Variants in LRMDA observed in about 807,000 individuals in gnomAD.
LRMDA encodes the protein leucine rich melanocyte differentiation associated.
In LRMDA, 18 loss-of-function variants were observed where a neutral mutation model predicts 29.8. The observed-to-expected ratio is 0.60, with a 90% CI of 0.42 to 0.90. The LOEUF is 0.90. LRMDA is among the 40% of genes least tolerant of loss of function. LRMDA has a pLI of 0.00. For missense variants in LRMDA, 273 were observed against 273.9 expected, an observed-to-expected ratio of 1.00 and a Z score of 0.02; for synonymous variants, 125 against 109.4, an observed-to-expected ratio of 1.14 and a Z score of -0.89.
At chr10:76,077,765 C>T (rs551753036) in intron 5 of LRMDA, among the ~76,000 whole-genome samples, 76 of 151,996 alleles carry the variant, frequency 5.0e-4, no homozygotes, top group African/African-American at 1.7e-3. Flanking sequence ...CAAGCAGCAA[C>T]GACATTGTCA....
intron 5 of LRMDA, among the ~76,000 whole-genome samples, chr10:76,078,791 G>A (rs1050409850): frequency 7.9e-5 from 12 of 152,154 alleles, no homozygotes; most frequent in Non-Finnish European, 1.3e-4. Flanking sequence ...AGCTGAGATC[G>A]CGCCATGCAC....
intron 2 of LRMDA, among the ~76,000 whole-genome samples, chr10:75,533,837 C>T (rs1427694076): frequency 6.6e-6 from 1 of 152,142 alleles, no homozygotes; most frequent in East Asian, 1.9e-4. Context: ...ATTAATTGCA[C>T]CTCCTTGGAG....
intron 6 of LRMDA, among the ~76,000 whole-genome samples, chr10:76,427,522 C>T (rs1034964078): frequency 6.6e-6 from 1 of 152,180 alleles, no homozygotes; most frequent in Non-Finnish European, 1.5e-5. Flanking sequence ...ATGGGGTTTT[C>T]TAGATATACA....
At chr10:75,739,146 C>T (rs1263144456) in intron 2 of LRMDA, among the ~76,000 whole-genome samples, 3 of 152,200 alleles carry the variant, frequency 2.0e-5, no homozygotes, top group Non-Finnish European at 4.4e-5. Flanking sequence ...GTAGCCAGTG[C>T]GGCGACTTTG....
intron 5 of LRMDA, among the ~76,000 whole-genome samples, chr10:76,129,272 C>G (rs1447611367): frequency 1.3e-5 from 2 of 152,200 alleles, no homozygotes; most frequent in Non-Finnish European, 2.9e-5. Flanking sequence ...GCCATTGGTG[C>G]TCCTCCATCC....
intron 2 of LRMDA, among the ~76,000 whole-genome samples, chr10:75,461,890 G>C (rs993884396): frequency 6.6e-6 from 1 of 152,200 alleles, no homozygotes; most frequent in Admixed American, 6.5e-5. Context: ...ATGAGGTGGC[G>C]GCCAGGCTAG....
Position 75,860,942 on chromosome 10 carries a change from GAT to G in LRMDA, c.132-175063_132-175062del, listed in dbSNP as rs1844918527. Reference sequence around the variant, plus strand: ...TTTCTCTATCTCATCTGCTAATAAAGATATTATTGACCTCTCAGGATGGTTCT... The same window carrying G: ...TTTCTCTATCTCATCTGCTAATAAAGATTATTGACCTCTCAGGATGGTTCT... On this transcript the variant is annotated intron_variant, in intron 2 of 6. Coordinates refer to ENST00000611255, the MANE Select transcript of LRMDA (RefSeq NM_001305581.2). Among the ~76,000 whole-genome samples, 7 of 152,300 alleles carry G rather than the reference GAT, an allele frequency of 4.6e-5. 1 individual carries two copies. Among genetic ancestry groups the G allele is most frequent in the Admixed American group, 3.9e-4 (6 of 15,294 alleles).
At position 76,170,141 on chromosome 10, in the gene LRMDA, G is replaced by A. The variant is rs76040754; in HGVS notation, c.516+111358G>A. On this transcript the variant is annotated intron_variant, in intron 5 of 6. Coordinates refer to ENST00000611255, the MANE Select transcript of LRMDA (RefSeq NM_001305581.2). ...TCTTGCTGTACAGAATTCAGGAGCG[G>A]ATCAGGGCTGGAAAAGTAGGAACAG... is the stretch of plus-strand genomic sequence containing the variant. 7.1e-3 allele frequency among the ~76,000 whole-genome samples: 1,077 copies of A among 152,274 alleles called. 13 individuals carry two copies. Among genetic ancestry groups the A allele is most frequent in the African/African-American group, 0.024 (999 of 41,556 alleles).
intron 2 of LRMDA, among the ~76,000 whole-genome samples, chr10:75,965,994 T>A (rs1486302985): frequency 6.6e-6 from 1 of 152,196 alleles, no homozygotes; most frequent in Non-Finnish European, 1.5e-5. Context: ...TGTACCCTTA[T>A]CTCCTTAATA....
At chr10:75,838,143 A>C (rs775570172) in intron 2 of LRMDA, among the ~76,000 whole-genome samples, 1 of 152,242 alleles carries the variant, frequency 6.6e-6, no homozygotes, top group African/African-American at 2.4e-5. Flanking sequence ...TAACATTATC[A>C]GGAGGGGAAA....
chr10:75,527,148 G>A (rs1409888775), intron 2 of LRMDA, among the ~76,000 whole-genome samples: 2 of 152,044 alleles, frequency 1.3e-5, no homozygotes, highest in Non-Finnish European at 2.9e-5. Flanking sequence ...TTTGTGTCTG[G>A]CTTCTTTCAC....
rs1554856628 is a variant in LRMDA at position 76,225,724 on chromosome 10, T to TTTATTTATTTATTAA, written c.517-98676_517-98675insTATTTATTTATTAAT. On this transcript the variant is annotated intron_variant, in intron 5 of 6. Transcript: ENST00000611255. ...TATTTATTTATTTATTTATTTATTA[T>TTTATTTATTTATTAA]TATATATATATTTTTATTATATTTT... is the stretch of plus-strand genomic sequence containing the variant. Among the ~76,000 whole-genome samples the TTTATTTATTTATTAA allele has an allele frequency of 8.0e-3, 667 of 83,886 alleles. 14 individuals are homozygous for TTTATTTATTTATTAA. The East Asian group carries it at 0.12, about 16-fold the overall frequency. The allele number at this position is 83,886 out of a possible 152,430, so 55.0% of individuals were successfully genotyped here.
At chr10:75,908,134 A>G (rs187619088) in intron 2 of LRMDA, among the ~76,000 whole-genome samples, 22 of 152,304 alleles carry the variant, frequency 1.4e-4, no homozygotes, top group Admixed American at 5.9e-4. Flanking sequence ...CTCATACTTT[A>G]CTTGGGATAT....
chr10:75,837,298 G>T (rs550978839), intron 2 of LRMDA, among the ~76,000 whole-genome samples: 1 of 152,278 alleles, frequency 6.6e-6, no homozygotes, highest in African/African-American at 2.4e-5. Context: ...AGAAGAGGAT[G>T]CTCTCTGTAA....
intron 5 of LRMDA, among the ~76,000 whole-genome samples, chr10:76,124,988 C>T (rs1849855226): frequency 6.6e-6 from 1 of 152,192 alleles, no homozygotes; most frequent in Non-Finnish European, 1.5e-5. Flanking sequence ...TTACTTATGA[C>T]ATTTCTACTT....
chr10:75,527,998 C>A (rs1845433779), intron 2 of LRMDA, among the ~76,000 whole-genome samples: 1 of 151,940 alleles, frequency 6.6e-6, no homozygotes, highest in Non-Finnish European at 1.5e-5. Flanking sequence ...GTTGCCCAGG[C>A]TGGTCTTGAA....
chr10:75,472,421 A>T (rs1844737991), intron 2 of LRMDA, among the ~76,000 whole-genome samples: 2 of 152,322 alleles, frequency 1.3e-5, no homozygotes, highest in East Asian at 1.9e-4. Flanking sequence ...TTACAAGAAG[A>T]GGGGTTAAGT....
In LRMDA at chr10:76,370,696, G is replaced by A. The variant is rs532484968; in HGVS notation, c.601+46211G>A. ...TTATTATTATTGTAAATCTCTTACC[G>A]TGCCTAATTTATAAATTAAACTTAA... On this transcript the variant is annotated intron_variant, in intron 6 of 6. Coordinates refer to ENST00000611255, the MANE Select transcript of LRMDA (RefSeq NM_001305581.2). 1.4e-3 allele frequency among the ~76,000 whole-genome samples: 212 copies of A among 151,892 alleles called. 3 individuals carry two copies. The highest frequency in any genetic ancestry group is 2.3e-3 in the Non-Finnish European group (154 of 67,966).
intron 2 of LRMDA, among the ~76,000 whole-genome samples, chr10:75,884,690 C>CCTTG (rs1845354146): frequency 6.6e-6 from 1 of 152,212 alleles, no homozygotes; most frequent in African/African-American, 2.4e-5. Context: ...GACAGTAACT[C>CCTTG]CTTGCTTGGC....
Sources: gnomAD v4.1 joint callset for allele counts (sites outside exome capture counted in the v4.1 genomes callset) on GRCh38, gnomAD v4.1.1 for gene constraint, MANE v1.5 for transcripts, NCBI Gene and HGNC (gene_info 2026-07-23, HGNC 2026-07-21) for gene names.